The following SSPN variants were observed in gnomAD, a reference collection of about 807,000 sequenced individuals.
The protein encoded by SSPN is K-ras oncogene-associated protein.
In SSPN, 15 loss-of-function variants were observed where a neutral mutation model predicts 19.1. The observed-to-expected ratio is 0.78, with a 90% CI of 0.52 to 1.21. The LOEUF is 1.21. SSPN is among the 50% of genes most tolerant of loss of function. The probability of loss-of-function intolerance (pLI) is 0.00; values close to 1 mark genes in which losing one functional copy is unlikely to be tolerated. For synonymous variants in SSPN, 147 were observed against 140.3 expected (o/e 1.05, Z -0.34); for missense variants, 291 against 314.0 (o/e 0.93, Z 0.55).
At chr12:26,167,339 C>T (rs1006858644) in intron 1 of SSPN, among the ~76,000 whole-genome samples, 12 of 151,846 alleles carry the variant, frequency 7.9e-5, no homozygotes, top group African/African-American at 2.9e-4. Flanking sequence ...TATTAAAAAC[C>T]TTATGGACAA....
intron 1 of SSPN, among the ~76,000 whole-genome samples, chr12:26,208,152 T>C (rs1944948915): frequency 6.6e-6 from 1 of 152,226 alleles, no homozygotes; most frequent in African/African-American, 2.4e-5. Flanking sequence ...ACATAAAGTC[T>C]TGTTAAGGCA....
At chr12:26,136,505 A>G (rs369683374) in intron 1 of SSPN, among the ~76,000 whole-genome samples, 1 of 152,220 alleles carries the variant, frequency 6.6e-6, no homozygotes, top group East Asian at 1.9e-4. Context: ...TGTCCATGAC[A>G]ATGCGCAGAG....
At chr12:26,122,037 T>C in exon 1 of SSPN, 1 of 1,548,558 alleles carries the variant, frequency 6.5e-7, no homozygotes, top group Admixed American at 2.0e-5. Context: ...TCACTCTGCT[T>C]GAACCTCCGT....
chr12:26,182,377 C>T (rs1468725495), intron 1 of SSPN, among the ~76,000 whole-genome samples: 1 of 152,180 alleles, frequency 6.6e-6, no homozygotes, highest in Non-Finnish European at 1.5e-5. Flanking sequence ...ACTAAGTTTA[C>T]ACTAGCATTA....
chr12:26,122,168 CGGGTGCTGG>C lies in SSPN; in HGVS notation c.-31+23_-31+31del, dbSNP rs781520987. The C allele has an allele frequency of 2.2e-5, 33 of 1,531,950 alleles. No individual in the cohort carries two copies. The East Asian group carries it at 2.8e-4, about 13-fold the overall frequency. 94.9% of individuals were successfully genotyped at this position (1,531,950 alleles called of 1,614,324 possible). On this transcript the variant is annotated intron_variant, in intron 1 of 2. Transcript: ENST00000538142. ...CGAAGGGCAGGTGGGTGCGGCCGTG[CGGGTGCTGG>C]GGGTGCGGCGCCCCAAGGGGCGCCA...
intron 1 of SSPN, among the ~76,000 whole-genome samples, chr12:26,160,322 C>T (rs899664356): frequency 3.9e-5 from 6 of 152,234 alleles, no homozygotes; most frequent in African/African-American, 7.2e-5. Flanking sequence ...TCATTTACCC[C>T]TGTCCCTCCA....
At chr12:26,131,109 A>G (rs1944395213) in intron 1 of SSPN, among the ~76,000 whole-genome samples, 1 of 152,260 alleles carries the variant, frequency 6.6e-6, no homozygotes, top group South Asian at 2.1e-4. Context: ...TTTTTTCATC[A>G]GTGAGTCTCT....
chr12:26,174,507 T>TCCTTC (rs1555177717), intron 1 of SSPN, among the ~76,000 whole-genome samples: 5,402 of 116,400 alleles, frequency 0.046, 186 homozygotes, highest in South Asian at 0.087. Flanking sequence ...TTCCTTCCCT[T>TCCTTC]CCTTCCTTCC....
chr12:26,146,827 A>AAAAAAAAAAAG (rs1166659656), intron 1 of SSPN, among the ~76,000 whole-genome samples: 3 of 151,638 alleles, frequency 2.0e-5, no homozygotes, highest in Admixed American at 1.3e-4. Context: ...CTAAAAAAAA[A>AAAAAAAAAAAG]AAAGAAAGAA....
chr12:26,227,816 C>T (rs915329462), intron 2 of SSPN, among the ~76,000 whole-genome samples: 3 of 152,160 alleles, frequency 2.0e-5, no homozygotes, highest in African/African-American at 7.2e-5. Context: ...TGAATTTGCC[C>T]AGGGACCATG....
At chr12:26,220,098 T>G (rs893835271) in intron 1 of SSPN, among the ~76,000 whole-genome samples, 1 of 152,066 alleles carries the variant, frequency 6.6e-6, no homozygotes, top group Non-Finnish European at 1.5e-5. Context: ...AAACCATTAG[T>G]CTACCATGAG....
upstream of SSPN, chr12:26,195,498 C>A: frequency 8.7e-7 from 1 of 1,152,420 alleles, no homozygotes; most frequent in Non-Finnish European, 1.1e-6. Context: ...AATCCCCCCT[C>A]TGCTGCGGGC....
At chr12:26,146,383 A>C (rs1944490734) in intron 1 of SSPN, among the ~76,000 whole-genome samples, 1 of 152,192 alleles carries the variant, frequency 6.6e-6, no homozygotes, top group Non-Finnish European at 1.5e-5. Flanking sequence ...GCCCATTTCC[A>C]TGTAAGAGCG....
At chr12:26,158,470 G>A (rs1327629245) in intron 1 of SSPN, among the ~76,000 whole-genome samples, 1 of 152,222 alleles carries the variant, frequency 6.6e-6, no homozygotes, top group Non-Finnish European at 1.5e-5. Flanking sequence ...CAACAACCTG[G>A]TAGGAACTGA....
At chr12:26,206,824 A>G (rs1944935255) in intron 1 of SSPN, among the ~76,000 whole-genome samples, 1 of 152,234 alleles carries the variant, frequency 6.6e-6, no homozygotes, top group Non-Finnish European at 1.5e-5. Flanking sequence ...ATTATTTTGC[A>G]AGAATAAGTA....
At chr12:26,216,226 A>G (rs1945047665) in intron 1 of SSPN, among the ~76,000 whole-genome samples, 2 of 152,190 alleles carry the variant, frequency 1.3e-5, no homozygotes, top group South Asian at 4.1e-4. Context: ...CATTTAGAAC[A>G]CTGGGCTTAC....
upstream of SSPN, among the ~76,000 whole-genome samples, chr12:26,190,446 G>T (rs1944780308): frequency 6.6e-6 from 1 of 152,172 alleles, no homozygotes; most frequent in Admixed American, 6.5e-5. Context: ...GCTAAGACTG[G>T]AACCTCCTGA....
intron 1 of SSPN, among the ~76,000 whole-genome samples, chr12:26,222,046 A>G (rs1945127150): frequency 6.6e-6 from 1 of 152,184 alleles, no homozygotes; most frequent in Admixed American, 6.5e-5. Flanking sequence ...CTACATGAAT[A>G]ACTTCAGTAT....
chr12:26,219,268 C>G (rs1311190383), intron 1 of SSPN, among the ~76,000 whole-genome samples: 1 of 152,036 alleles, frequency 6.6e-6, no homozygotes, highest in East Asian at 1.9e-4. Flanking sequence ...ACCAATAATT[C>G]TCATTCTCAC....
Sources: allele counts gnomAD v4.1 joint callset (sites outside exome capture counted in the v4.1 genomes callset), GRCh38; gene constraint gnomAD v4.1.1; transcripts MANE v1.5; gene names NCBI Gene and HGNC (gene_info 2026-07-23, HGNC 2026-07-21).